Variants in NBEAL1 observed in about 807,000 individuals in gnomAD.
The protein encoded by NBEAL1 is neurobeachin-like protein 1.
Under a neutral mutation model 351.3 loss-of-function variants are expected in NBEAL1, and 273 were observed. That is an observed-to-expected ratio of 0.78 (90% CI 0.70 to 0.86). NBEAL1 has a LOEUF of 0.86. Ranked by LOEUF, NBEAL1 falls within the 40% of genes least tolerant of loss-of-function variation. The pLI is 0.00. For synonymous variants in NBEAL1, 1,050 were observed against 1,086.4 expected (o/e 0.97, Z 0.66); for missense variants, 2,961 against 3,201.3 (o/e 0.92, Z 1.81).
At chr2:203,134,371 GA>G (rs1377583792) in intron 27 of NBEAL1, among the ~76,000 whole-genome samples, 2 of 152,036 alleles carry the variant, frequency 1.3e-5, no homozygotes. Flanking sequence ...TAATCTGGAA[GA>G]AAAAAATTGT....
chr2:203,025,080 T>C (rs1463863830), intron 2 of NBEAL1, among the ~76,000 whole-genome samples: 2 of 152,206 alleles, frequency 1.3e-5, no homozygotes, highest in African/African-American at 2.4e-5. Context: ...AGGACCTTTA[T>C]TGGTCTGTGT....
chr2:203,122,786 TC>T (rs1575002944), intron 19 of NBEAL1, among the ~76,000 whole-genome samples: 1 of 152,248 alleles, frequency 6.6e-6, no homozygotes, highest in South Asian at 2.1e-4. Flanking sequence ...CTTATGGGTA[TC>T]CCTAGCACTT....
intron 37 of NBEAL1, 53 bp from the exon 38 acceptor site, chr2:203,167,174 A>G: frequency 6.5e-7 from 1 of 1,530,850 alleles, no homozygotes; most frequent in South Asian, 1.3e-5. Flanking sequence ...TTTTCTACTT[A>G]GCATGAGTAA....
chr2:203,147,543 A>T (rs1475489648), intron 33 of NBEAL1, among the ~76,000 whole-genome samples: 1 of 152,080 alleles, frequency 6.6e-6, no homozygotes, highest in Non-Finnish European at 1.5e-5. Flanking sequence ...ACAGATAGAC[A>T]CTGTATTCAT....
At chr2:203,051,357 A>G (rs1365682536) in intron 4 of NBEAL1, among the ~76,000 whole-genome samples, 1 of 152,108 alleles carries the variant, frequency 6.6e-6, no homozygotes, top group Non-Finnish European at 1.5e-5. Flanking sequence ...AGCTTGGCCA[A>G]CATGGTGAAA....
intron 17 of NBEAL1, among the ~76,000 whole-genome samples, chr2:203,115,496 C>T (rs191217206): frequency 2.6e-5 from 4 of 152,186 alleles, no homozygotes; most frequent in Admixed American, 6.5e-5. Flanking sequence ...AGTGCAGTGG[C>T]GCAATCTCAG....
At chr2:203,113,484 C>T (rs540116964) in intron 17 of NBEAL1, among the ~76,000 whole-genome samples, 166 bp downstream of exon 17, 5 of 152,168 alleles carry the variant, frequency 3.3e-5, no homozygotes, top group Non-Finnish European at 5.9e-5. Context: ...GAAAAAGCCC[C>T]TCCACATACC....
At chr2:203,195,625 G>A (rs1233425907) in intron 47 of NBEAL1, among the ~76,000 whole-genome samples, 1 of 152,160 alleles carries the variant, frequency 6.6e-6, no homozygotes, top group Non-Finnish European at 1.5e-5. Flanking sequence ...AGGATACAAA[G>A]CAACATCAGC....
intron 24 of NBEAL1, among the ~76,000 whole-genome samples, chr2:203,129,182 C>T (rs73990620): frequency 0.016 from 2,426 of 152,102 alleles, 59 homozygotes; most frequent in African/African-American, 0.055. Context: ...TTACTTTTTG[C>T]ATGTACGCTT....
intron 7 of NBEAL1, chr2:203,074,686 T>G (rs2061740460): frequency 6.4e-6 from 1 of 156,482 alleles, no homozygotes; most frequent in African/African-American, 2.4e-5. Context: ...GGACTCAGTT[T>G]AGATGATCCC....
chr2:203,138,845 T>G, intron 31 of NBEAL1, 97 bp downstream of exon 31: 1 of 1,241,646 alleles, frequency 8.1e-7, no homozygotes, highest in Non-Finnish European at 1.1e-6. Flanking sequence ...GTATTTTAAG[T>G]TTTTCATTAG....
rs1405780875 is a variant in NBEAL1 at position 203,077,741 on chromosome 2, A to G, written c.599-11A>G. 6.3e-6 allele frequency: 8 copies of G among 1,268,420 alleles called. No homozygotes were observed. Among genetic ancestry groups the G allele is most frequent in the Admixed American group, 5.9e-5 (2 of 33,798 alleles). The allele number at this position is 1,268,420 out of a possible 1,614,324, so 78.6% of individuals were successfully genotyped here. On this transcript the variant is annotated splice_polypyrimidine_tract_variant and intron_variant, in intron 7 of 55. Coordinates refer to ENST00000683969, the MANE Select transcript of NBEAL1 (RefSeq NM_001378026.1). ...ATCTTATTTATTTATTTATTTATTT[A>G]TTATTTACAGAATGTTTTCAGGAAA...
intron 2 of NBEAL1, among the ~76,000 whole-genome samples, chr2:203,025,656 A>G (rs1347385588): frequency 6.6e-6 from 1 of 152,186 alleles, no homozygotes; most frequent in East Asian, 1.9e-4. Context: ...TCATGACACC[A>G]GTCTTGAAAC....
Position 203,217,637 on chromosome 2 carries a change from C to G in NBEAL1, c.*283C>G. On this transcript the variant is annotated 3_prime_UTR_variant, in exon 56 of 56. Coordinates refer to ENST00000683969, the MANE Select transcript of NBEAL1 (RefSeq NM_001378026.1). ...CATTAGGTTCAATTTTCTTATTATT[C>G]CAAATGATAAAATTTAAGATTTTTC... 1.0e-6 allele frequency: 1 copy of G among 990,716 alleles called. No homozygotes were observed. Among genetic ancestry groups the G allele is most frequent in the Non-Finnish European group, 1.2e-6 (1 of 821,152 alleles). 61.4% of individuals were successfully genotyped at this position (990,716 alleles called of 1,614,324 possible).
intron 18 of NBEAL1, among the ~76,000 whole-genome samples, chr2:203,120,872 G>T (rs904037682): frequency 6.6e-6 from 1 of 152,094 alleles, no homozygotes; most frequent in Non-Finnish European, 1.5e-5. Flanking sequence ...TGTCTGTCTC[G>T]GAGACGGATA....
intron 45 of NBEAL1, 83 bp from the exon 46 acceptor site, chr2:203,190,190 ACACACACACACACACACAC>A: frequency 2.2e-6 from 1 of 465,116 alleles, no homozygotes; most frequent in South Asian, 2.2e-5. Context: ...ACACACACAC[ACACACACACACACACACAC>A]CAATGAGCCT....
At chr2:203,128,012 G>C in intron 24 of NBEAL1, 75 bp downstream of exon 24, 1 of 1,114,072 alleles carries the variant, frequency 9.0e-7, no homozygotes, top group South Asian at 1.4e-5. Context: ...ACGTATGTTT[G>C]TGTCTAGTTA....
In NBEAL1 at chr2:203,145,131, G is replaced by T; in HGVS notation, c.5275G>T (p.Glu1759Ter). The T allele has an allele frequency of 6.2e-7, 1 of 1,603,694 alleles. No homozygotes were observed. The highest frequency in any genetic ancestry group is 8.5e-7 in the Non-Finnish European group (1 of 1,177,420). ...LMVNMHKRDR[E>*]GGESKLKFQE... The stretch of plus-strand genomic sequence containing the variant: ...GGTAAATATGCATAAACGAGACCGG[G>T]AAGGAGGGGAAAGCAAGCTCAAATT... The change falls in exon 33 of 56, where the codon GAA becomes TAA. Residue 1759 changes from glutamate to a stop codon, truncating the protein, a stop_gained. Coordinates refer to ENST00000683969, the MANE Select transcript of NBEAL1 (RefSeq NM_001378026.1). LOFTEE classifies it high-confidence loss of function.
At chr2:203,055,905 G>A (rs546485759) in intron 4 of NBEAL1, among the ~76,000 whole-genome samples, 1 of 152,280 alleles carries the variant, frequency 6.6e-6, no homozygotes, top group African/African-American at 2.4e-5. Flanking sequence ...AAGTAAAGAT[G>A]CTGTTAGCCC....
Sources: gnomAD v4.1 joint callset for allele counts (sites outside exome capture counted in the v4.1 genomes callset) on GRCh38, gnomAD v4.1.1 for gene constraint, MANE v1.5 for transcripts, NCBI Gene and HGNC (gene_info 2026-07-23, HGNC 2026-07-21) for gene names.